SCHIP1: variants seen among roughly 807,000 people sequenced by gnomAD.
SCHIP1 encodes the protein schwannomin-interacting protein 1.
SCHIP1 carries 8 observed loss-of-function variants against 29.7 expected under a neutral mutation model. The observed-to-expected ratio is 0.27, with a 90% CI of 0.16 to 0.49. The LOEUF is 0.49. Ranked by LOEUF, SCHIP1 falls within the 20% of genes least tolerant of loss-of-function variation. The probability of loss-of-function intolerance (pLI) is 0.99; values close to 1 mark genes in which losing one functional copy is unlikely to be tolerated. For missense variants in SCHIP1, 193 were observed against 294.6 expected, an observed-to-expected ratio of 0.66 and a Z score of 2.52; for synonymous variants, 76 against 94.9, an observed-to-expected ratio of 0.80 and a Z score of 1.16.
At chr3:159,396,710 C>T in the SCHIP1 span, among the ~76,000 whole-genome samples, 151 of 152,216 alleles carry the variant, frequency 9.9e-4, no homozygotes, top group South Asian at 0.023. Context: ...TGATGGGCTT[C>T]CCTTTGAGGG....
At chr3:159,355,445 G>A in the SCHIP1 span, among the ~76,000 whole-genome samples, 1 of 152,104 alleles carries the variant, frequency 6.6e-6, no homozygotes, top group African/African-American at 2.4e-5. Flanking sequence ...AGCCAGGGAT[G>A]AGGACATTTA....
At chr3:159,649,984 T>C in the SCHIP1 span, among the ~76,000 whole-genome samples, 1 of 152,212 alleles carries the variant, frequency 6.6e-6, no homozygotes, top group African/African-American at 2.4e-5. Context: ...TTTGTTTTAA[T>C]AGCATAGCTA....
the SCHIP1 span, among the ~76,000 whole-genome samples, chr3:159,740,730 CA>C: frequency 1.4e-4 from 6 of 43,284 alleles, no homozygotes; most frequent in South Asian, 4.3e-3. Flanking sequence ...ATTGTGTAGC[CA>C]AAAAAGGAAG....
chr3:159,385,426 G>C, the SCHIP1 span, among the ~76,000 whole-genome samples: 1 of 152,028 alleles, frequency 6.6e-6, no homozygotes, highest in African/African-American at 2.4e-5. Context: ...GTATGGTGGC[G>C]TATGCCTATA....
chr3:159,365,051 T>C, the SCHIP1 span, among the ~76,000 whole-genome samples: 1 of 152,144 alleles, frequency 6.6e-6, no homozygotes, highest in African/African-American at 2.4e-5. Context: ...GGTATTTTAT[T>C]TCATGGCAAG....
chr3:159,337,249 G>A, the SCHIP1 span, among the ~76,000 whole-genome samples: 9 of 152,050 alleles, frequency 5.9e-5, no homozygotes, highest in African/African-American at 2.2e-4. Flanking sequence ...CATACTGAAT[G>A]GGCAAAAACT....
the SCHIP1 span, among the ~76,000 whole-genome samples, chr3:159,301,346 T>G: frequency 1.4e-3 from 209 of 152,264 alleles, no homozygotes; most frequent in Non-Finnish European, 2.1e-3. Flanking sequence ...CTCCTTTGTG[T>G]TTTTGGAGTT....
chr3:159,421,918 C>A, the SCHIP1 span, among the ~76,000 whole-genome samples: 2 of 152,088 alleles, frequency 1.3e-5, no homozygotes, highest in Non-Finnish European at 2.9e-5. Context: ...AATTTTTTAG[C>A]ACCATGATAC....
At chr3:159,360,062 C>A in the SCHIP1 span, among the ~76,000 whole-genome samples, 2 of 152,230 alleles carry the variant, frequency 1.3e-5, no homozygotes, top group South Asian at 4.2e-4. Context: ...TTTTCACTGC[C>A]AAATAGTGCA....
the SCHIP1 span, among the ~76,000 whole-genome samples, chr3:159,393,456 G>T: frequency 1.3e-5 from 2 of 151,928 alleles, no homozygotes; most frequent in Non-Finnish European, 2.9e-5. Context: ...GGTCTAACAT[G>T]TAAGTCTTTA....
the SCHIP1 span, among the ~76,000 whole-genome samples, chr3:159,786,623 G>A: frequency 3.3e-5 from 5 of 151,680 alleles, no homozygotes; most frequent in African/African-American, 4.8e-5. Flanking sequence ...GTTTAGTTTC[G>A]CACCTTTAGT....
chr3:159,373,232 A>T, the SCHIP1 span, among the ~76,000 whole-genome samples: 1 of 151,474 alleles, frequency 6.6e-6, no homozygotes, highest in East Asian at 1.9e-4. Context: ...AATTGTAATT[A>T]ATATATATTA....
At chr3:159,448,991 G>A in the SCHIP1 span, among the ~76,000 whole-genome samples, 20 of 152,158 alleles carry the variant, frequency 1.3e-4, no homozygotes, top group African/African-American at 4.6e-4. Flanking sequence ...AGGAAGATGG[G>A]AAGAGGAAAT....
chr3:159,577,080 G>T, the SCHIP1 span, among the ~76,000 whole-genome samples: 9 of 152,174 alleles, frequency 5.9e-5, no homozygotes, highest in South Asian at 2.1e-4. Flanking sequence ...GTCCTGGTTA[G>T]ATCATTAAAG....
chr3:159,840,118 C>T (rs903631309), exon 1 of SCHIP1: 9 of 1,531,492 alleles, frequency 5.9e-6, no homozygotes, highest in Non-Finnish European at 5.2e-6. Context: ...GTGGATGCTC[C>T]GCGCCTGCCC....
the SCHIP1 span, among the ~76,000 whole-genome samples, chr3:159,596,950 T>C: frequency 4.2e-5 from 6 of 141,662 alleles, no homozygotes; most frequent in African/African-American, 1.6e-4. Flanking sequence ...AGTATAATAA[T>C]AAAAATAAAT....
the SCHIP1 span, among the ~76,000 whole-genome samples, chr3:159,419,761 A>G: frequency 1.3e-5 from 2 of 152,184 alleles, no homozygotes; most frequent in Non-Finnish European, 2.9e-5. Context: ...GTGAGCCAAG[A>G]TCATGCCATT....
the SCHIP1 span, among the ~76,000 whole-genome samples, chr3:159,555,100 A>G: frequency 6.6e-6 from 1 of 152,288 alleles, no homozygotes; most frequent in Non-Finnish European, 1.5e-5. Context: ...CACTTGCTTT[A>G]AGTCAAAAGC....
At chr3:159,727,359 A>G in the SCHIP1 span, among the ~76,000 whole-genome samples, 2 of 152,196 alleles carry the variant, frequency 1.3e-5, no homozygotes, top group Admixed American at 6.5e-5. Context: ...GCACAAGAAC[A>G]TAAGTTCCAT....
Sources: gnomAD v4.1 joint callset for allele counts (sites outside exome capture counted in the v4.1 genomes callset) on GRCh38, gnomAD v4.1.1 for gene constraint, MANE v1.5 for transcripts, NCBI Gene and HGNC (gene_info 2026-07-23, HGNC 2026-07-21) for gene names.